The following ATP11B variants were observed in gnomAD, a reference collection of about 807,000 sequenced individuals.
The protein encoded by ATP11B is ATPase phospholipid transporting 11B (putative).
A neutral mutation model predicts 157.8 loss-of-function variants in ATP11B; 81 were observed. The observed-to-expected ratio is 0.51, with a 90% confidence interval of 0.43 to 0.62. ATP11B has a LOEUF of 0.62. ATP11B is among the 20% of genes least tolerant of loss of function. ATP11B has a pLI of 0.00. For missense variants in ATP11B, 1,165 were observed against 1,402.2 expected, an observed-to-expected ratio of 0.83 and a Z score of 2.70; for synonymous variants, 451 against 469.4, an observed-to-expected ratio of 0.96 and a Z score of 0.51.
intron 1 of ATP11B, among the ~76,000 whole-genome samples, chr3:182,811,617 T>C (rs891985340): frequency 6.6e-6 from 1 of 152,186 alleles, no homozygotes; most frequent in Non-Finnish European, 1.5e-5. Flanking sequence ...TACATACAGT[T>C]TTCTATATGA....
chr3:182,854,096 A>G (rs1720187497), intron 10 of ATP11B, among the ~76,000 whole-genome samples: 1 of 152,230 alleles, frequency 6.6e-6, no homozygotes, highest in Non-Finnish European at 1.5e-5. Flanking sequence ...AAAACATGAA[A>G]CTTAGCTTCT....
chr3:182,912,914 T>A (rs562879365), intron 28 of ATP11B, among the ~76,000 whole-genome samples: 19 of 151,588 alleles, frequency 1.3e-4, no homozygotes, highest in East Asian at 3.9e-4. Context: ...GTTTTTTTTT[T>A]AAAACAACAG....
chr3:182,835,894 T>C (rs1718511285), intron 4 of ATP11B, 141 bp from the exon 5 acceptor site: 2 of 583,132 alleles, frequency 3.4e-6, no homozygotes, highest in African/African-American at 3.8e-5. Context: ...ATCAGATACC[T>C]ATGAGCATGT....
At position 182,813,573 on chromosome 3, in the gene ATP11B, T is replaced by C. The variant is rs144889215; in HGVS notation, c.28-6687T>C. 2.4e-4 allele frequency among the ~76,000 whole-genome samples: 37 copies of C among 152,252 alleles called. No individual in the cohort carries two copies. In the East Asian group the frequency reaches 6.9e-3, roughly 29 times the overall value. On this transcript the variant is annotated intron_variant, in intron 1 of 29. Coordinates refer to ENST00000323116, the MANE Select transcript of ATP11B (RefSeq NM_014616.3). ...ATAGCCTTGATAAAAATAAGACATATCTAGGAACACCAGAATAAAAAGTTT... is the reference window on the plus strand; with the variant it reads ...ATAGCCTTGATAAAAATAAGACATACCTAGGAACACCAGAATAAAAAGTTT...
Position 182,918,301 on chromosome 3 carries a change from A to T in ATP11B, c.*197A>T, listed in dbSNP as rs1411153712. 2 of 637,496 alleles carry T rather than the reference A, an allele frequency of 3.1e-6. No individual in the cohort carries two copies. Among genetic ancestry groups the T allele is most frequent in the Admixed American group, 3.9e-5 (1 of 25,612 alleles). The allele number at this position is 637,496 out of a possible 1,614,324, so 39.5% of individuals were successfully genotyped here. A position where few individuals can be genotyped will look rare whatever the true frequency, so the allele number is the denominator to read the frequency against. ...TCCCAACACCCTTAATTTGAATCTGAACATGTTAAAATTTGAGAATAAAGA... is the reference window on the plus strand; with the variant it reads ...TCCCAACACCCTTAATTTGAATCTGTACATGTTAAAATTTGAGAATAAAGA... On this transcript the variant is annotated 3_prime_UTR_variant, in exon 30 of 30. Coordinates refer to ENST00000323116, the MANE Select transcript of ATP11B (RefSeq NM_014616.3).
rs1198499344 is a variant in ATP11B at position 182,896,752 on chromosome 3, C to A, written c.3035C>A (p.Thr1012Lys). The change falls in exon 26 of 30, where the codon ACA becomes AAA. Residue 1012 changes from threonine to lysine, a missense_variant. Physicochemically the swap from Thr to Lys is moderately conservative, Grantham distance 78. Coordinates refer to ENST00000323116, the MANE Select transcript of ATP11B (RefSeq NM_014616.3). Reference protein sequence around the residue: ...GTLVFTVMVITVTVKMALETH... With the variant: ...GTLVFTVMVIKVTVKMALETH... ...TTGGTCTTCACAGTCATGGTTATTA[C>A]AGTCACAGTAAAGGTATGGTACTGA... 3 of 1,612,770 alleles carry A rather than the reference C, an allele frequency of 1.9e-6. No homozygotes were observed. The highest frequency in any genetic ancestry group is 2.5e-6 in the Non-Finnish European group (3 of 1,179,058).
chr3:182,818,750 G>A (rs1458857587), intron 1 of ATP11B, among the ~76,000 whole-genome samples: 1 of 152,068 alleles, frequency 6.6e-6, no homozygotes, highest in Non-Finnish European at 1.5e-5. Context: ...AATGCTACAA[G>A]GATGCTAAGT....
chr3:182,797,268 G>C (rs1715677459), intron 1 of ATP11B, among the ~76,000 whole-genome samples: 1 of 152,002 alleles, frequency 6.6e-6, no homozygotes, highest in African/African-American at 2.4e-5. Flanking sequence ...ACTTTTTCCT[G>C]TACCTGTAAC....
intron 25 of ATP11B, among the ~76,000 whole-genome samples, chr3:182,893,742 T>A (rs1010005802): frequency 2.0e-5 from 3 of 152,224 alleles, no homozygotes; most frequent in Non-Finnish European, 4.4e-5. Flanking sequence ...GTAGTCCTAC[T>A]TTCAGTTCTT....
At chr3:182,877,509 A>T (rs1722127472) in intron 19 of ATP11B, among the ~76,000 whole-genome samples, 1 of 152,140 alleles carries the variant, frequency 6.6e-6, no homozygotes, top group South Asian at 2.1e-4. Flanking sequence ...GTGTGTGGTG[A>T]CACATACCTG....
Position 182,796,538 on chromosome 3 carries a change from A to G in ATP11B, c.27+2752A>G, listed in dbSNP as rs192521562. Among the ~76,000 whole-genome samples, 77 of 152,324 alleles carry G rather than the reference A, an allele frequency of 5.1e-4. 1 individual carries two copies. Among genetic ancestry groups the G allele is most frequent in the Admixed American group, 1.8e-3 (28 of 15,310 alleles). On this transcript the variant is annotated intron_variant, in intron 1 of 29. Transcript: ENST00000323116. ...CATTGGCTGCCATATTGGACAGTTCATATTTTCATTATCACAGAAAATTCT... is the reference window on the plus strand; with the variant it reads ...CATTGGCTGCCATATTGGACAGTTCGTATTTTCATTATCACAGAAAATTCT...
At chr3:182,799,444 T>G (rs928444804) in intron 1 of ATP11B, among the ~76,000 whole-genome samples, 3 of 151,814 alleles carry the variant, frequency 2.0e-5, no homozygotes, top group Non-Finnish European at 4.4e-5. Flanking sequence ...GCCCAGCTAA[T>G]TTTTTGTATT....
At chr3:182,890,482 G>A (rs577821046) in intron 25 of ATP11B, among the ~76,000 whole-genome samples, 1 of 152,280 alleles carries the variant, frequency 6.6e-6, no homozygotes, top group South Asian at 2.1e-4. Context: ...TCTTGAAAAG[G>A]ATACAGAAAA....
rs1322769685 is a variant in ATP11B at position 182,889,399 on chromosome 3, C to A, written c.2844-11C>A. On this transcript the variant is annotated splice_polypyrimidine_tract_variant and intron_variant, in intron 24 of 29. Coordinates refer to ENST00000323116, the MANE Select transcript of ATP11B (RefSeq NM_014616.3). ...TCCCTAATATGTTTCTTTTTCTCTT[C>A]TTTTTAACAGAGACATTAGTAAAAA... 2.6e-6 allele frequency: 4 copies of A among 1,526,922 alleles called. No homozygotes were observed. Among genetic ancestry groups the A allele is most frequent in the Non-Finnish European group, 2.6e-6 (3 of 1,132,966 alleles). The allele number at this position is 1,526,922 out of a possible 1,614,324, so 94.6% of individuals were successfully genotyped here.
chr3:182,807,348 A>G (rs1461360315), intron 1 of ATP11B, among the ~76,000 whole-genome samples: 2 of 152,106 alleles, frequency 1.3e-5, no homozygotes, highest in African/African-American at 4.8e-5. Flanking sequence ...AGGAAAAAGA[A>G]AAAAAAATGA....
chr3:182,799,195 G>A (rs181203731), intron 1 of ATP11B, among the ~76,000 whole-genome samples: 3 of 152,216 alleles, frequency 2.0e-5, no homozygotes, highest in Non-Finnish European at 4.4e-5. Context: ...AGTCAACATC[G>A]ACTGCTGTGG....
chr3:182,827,820 T>C (rs1717825973), intron 2 of ATP11B, among the ~76,000 whole-genome samples: 1 of 151,986 alleles, frequency 6.6e-6, no homozygotes, highest in Non-Finnish European at 1.5e-5. Context: ...TAAAATGTTG[T>C]TTTAGATCTG....
chr3:182,856,964 T>C (rs2108531206), intron 10 of ATP11B, among the ~76,000 whole-genome samples: 1 of 152,322 alleles, frequency 6.6e-6, no homozygotes, highest in South Asian at 2.1e-4. Flanking sequence ...GTTCCTTTAA[T>C]TGTATTAATA....
chr3:182,860,956 A>G (rs1429039536), intron 12 of ATP11B, among the ~76,000 whole-genome samples: 1 of 152,066 alleles, frequency 6.6e-6, no homozygotes, highest in African/African-American at 2.4e-5. Context: ...TTCTGCTATA[A>G]TGTGATATAT....
Sources: allele counts gnomAD v4.1 joint callset (sites outside exome capture counted in the v4.1 genomes callset), GRCh38; gene constraint gnomAD v4.1.1; transcripts MANE v1.5; gene names NCBI Gene and HGNC (gene_info 2026-07-23, HGNC 2026-07-21).